The following CAPZB variants were observed in gnomAD, a reference collection of about 807,000 sequenced individuals.
CAPZB encodes capping actin protein of muscle Z-line subunit beta, also known as F-actin-capping protein subunit beta.
CAPZB carries 2 observed loss-of-function variants against 38.1 expected under a neutral mutation model. The ratio of observed to expected loss-of-function variants is 0.05; its 90% CI spans 0.02 to 0.17. The LOEUF (loss-of-function observed/expected upper bound fraction) is 0.17, where lower values mean the gene tolerates loss of function less well. Among genes scored for constraint, CAPZB ranks in the 10% least tolerant of loss-of-function variants. CAPZB has a pLI of 1.00. For missense variants in CAPZB, 161 were observed against 334.2 expected (o/e 0.48, Z 4.04); for synonymous variants, 107 against 127.4 (o/e 0.84, Z 1.08).
chr1:19,365,260 G>A (rs191942), intron 4 of CAPZB, among the ~76,000 whole-genome samples: 50,592 of 152,008 alleles, frequency 0.33, 9,298 homozygotes, highest in East Asian at 0.56. Flanking sequence ...GATCACTCTC[G>A]TAGACATGGC....
chr1:19,428,994 T>TA (rs1356774872), intron 1 of CAPZB, among the ~76,000 whole-genome samples: 1 of 152,160 alleles, frequency 6.6e-6, no homozygotes, highest in Non-Finnish European at 1.5e-5. Flanking sequence ...ATCAACTTTT[T>TA]AAAAAAATTC....
chr1:19,378,121 T>C (rs1327094771), intron 4 of CAPZB, among the ~76,000 whole-genome samples: 3 of 152,214 alleles, frequency 2.0e-5, no homozygotes, highest in Non-Finnish European at 4.4e-5. Context: ...ATCTGTGTCT[T>C]AATTTCTTAA....
chr1:19,449,250 T>C, intron 1 of CAPZB: 1 of 1,087,528 alleles, frequency 9.2e-7, no homozygotes, highest in Non-Finnish European at 1.1e-6. Flanking sequence ...AAGTGGGGTC[T>C]TGACACTTGA....
At chr1:19,477,280 C>A (rs144378466) in intron 1 of CAPZB, among the ~76,000 whole-genome samples, 1 of 152,188 alleles carries the variant, frequency 6.6e-6, no homozygotes, top group African/African-American at 2.4e-5. Context: ...TCCTCTCTGC[C>A]TGAACAAGGT....
intron 4 of CAPZB, among the ~76,000 whole-genome samples, chr1:19,363,627 T>TCAG (rs2094066568): frequency 6.6e-6 from 1 of 152,182 alleles, no homozygotes; most frequent in Non-Finnish European, 1.5e-5. Flanking sequence ...AGAAAATGTT[T>TCAG]CAGCTCCAAA....
chr1:19,479,726 A>C (rs2094620707), intron 1 of CAPZB, among the ~76,000 whole-genome samples: 2 of 152,080 alleles, frequency 1.3e-5, no homozygotes, highest in African/African-American at 4.8e-5. Context: ...GCACAGCCAG[A>C]GGGCTCTTCC....
chr1:19,368,924 G>C (rs1445389586), intron 4 of CAPZB, among the ~76,000 whole-genome samples: 3 of 152,116 alleles, frequency 2.0e-5, no homozygotes, highest in Admixed American at 2.0e-4. Flanking sequence ...TGGCAGGATG[G>C]GGGAGCTTGA....
intron 6 of CAPZB, among the ~76,000 whole-genome samples, chr1:19,352,389 A>C (rs1431994842): frequency 6.6e-6 from 1 of 152,226 alleles, no homozygotes; most frequent in Non-Finnish European, 1.5e-5. Context: ...AAGCTGAGAA[A>C]ATATCAAACG....
intron 2 of CAPZB, among the ~76,000 whole-genome samples, chr1:19,418,799 T>C (rs1295661956): frequency 6.6e-6 from 1 of 152,212 alleles, no homozygotes; most frequent in Non-Finnish European, 1.5e-5. Context: ...TGGAATTAAA[T>C]AAATCACTAC....
At chr1:19,402,568 C>T (rs1271420623) in intron 2 of CAPZB, among the ~76,000 whole-genome samples, 1 of 152,240 alleles carries the variant, frequency 6.6e-6, no homozygotes, top group Admixed American at 6.5e-5. Context: ...AATTCACACG[C>T]TCTATCTAAT....
chr1:19,371,448 G>C (rs1353710294), intron 4 of CAPZB, among the ~76,000 whole-genome samples: 2 of 152,238 alleles, frequency 1.3e-5, no homozygotes, highest in Non-Finnish European at 2.9e-5. Flanking sequence ...CTGACGCACA[G>C]TGTGTCACTG....
Position 19,357,658 on chromosome 1 carries a change from G to A in CAPZB, c.330-95C>T. ...TGCTCAGCAAAGATTCTGGGATTCA[G>A]GGCCCTCCCTGCGACAGTTATGGGA... On this transcript the variant is annotated intron_variant, in intron 4 of 8. Transcript: ENST00000264202. The surrounding 1 kb of genome is among the most constrained non-coding windows in gnomAD (Gnocchi z 4.3). 1 of 1,269,848 alleles carries A rather than the reference G, an allele frequency of 7.9e-7. No individual in the cohort carries two copies. Among genetic ancestry groups the A allele is most frequent in the Non-Finnish European group, 1.1e-6 (1 of 891,100 alleles). 78.7% of individuals were successfully genotyped at this position (1,269,848 alleles called of 1,614,324 possible). A position where few individuals can be genotyped will look rare whatever the true frequency, so the allele number is the denominator to read the frequency against.
chr1:19,415,406 G>A (rs777986873), intron 2 of CAPZB, among the ~76,000 whole-genome samples: 12 of 152,202 alleles, frequency 7.9e-5, no homozygotes, highest in Non-Finnish European at 1.5e-4. Flanking sequence ...TGAAACTACC[G>A]CTTTGGGAAG....
At chr1:19,471,729 T>C (rs1254576497) in intron 1 of CAPZB, among the ~76,000 whole-genome samples, 3 of 152,006 alleles carry the variant, frequency 2.0e-5, no homozygotes, top group Non-Finnish European at 4.4e-5. Flanking sequence ...TAGCCAGGCG[T>C]GGTGGCGGGC....
At chr1:19,379,803 T>G (rs2100429791) in intron 3 of CAPZB, among the ~76,000 whole-genome samples, 1 of 152,092 alleles carries the variant, frequency 6.6e-6, no homozygotes, top group Middle Eastern at 3.4e-3. Context: ...GCAGGTGGGG[T>G]TCAGAGGGCC....
At chr1:19,472,232 G>A (rs2094591146) in intron 1 of CAPZB, among the ~76,000 whole-genome samples, 1 of 152,210 alleles carries the variant, frequency 6.6e-6, no homozygotes, top group African/African-American at 2.4e-5. Flanking sequence ...AAGTAAGAGA[G>A]GTTGTCATGA....
At chr1:19,414,208 T>C (rs2094369480) in intron 2 of CAPZB, among the ~76,000 whole-genome samples, 1 of 152,204 alleles carries the variant, frequency 6.6e-6, no homozygotes, top group Non-Finnish European at 1.5e-5. Context: ...GCAGACATCA[T>C]GCTGCCCCGA....
At chr1:19,480,018 C>T (rs993543173) in intron 1 of CAPZB, among the ~76,000 whole-genome samples, 3 of 152,164 alleles carry the variant, frequency 2.0e-5, no homozygotes, top group Non-Finnish European at 4.4e-5. Context: ...GCCCCCAAGC[C>T]GACTGCAGGC....
At chr1:19,484,796 G>T in intron 1 of CAPZB, 9 of 789,288 alleles carry the variant, frequency 1.1e-5, no homozygotes, top group Non-Finnish European at 1.4e-5. Context: ...ATGGTGGGGA[G>T]GGGGCAGTGA....
Sources: gnomAD v4.1 joint callset for allele counts (sites outside exome capture counted in the v4.1 genomes callset) on GRCh38, gnomAD v4.1.1 for gene constraint, Gnocchi (gnomAD v3.1) non-coding constraint, MANE v1.5 for transcripts, NCBI Gene and HGNC (gene_info 2026-07-23, HGNC 2026-07-21) for gene names.